The following TNFRSF8 variants were observed in gnomAD, a reference collection of about 807,000 sequenced individuals.
The protein encoded by TNFRSF8 is tumor necrosis factor receptor superfamily member 8.
TNFRSF8 carries 26 observed loss-of-function variants against 70.8 expected under a neutral mutation model. The observed-to-expected ratio is 0.37, with a 90% CI of 0.27 to 0.51. The LOEUF (loss-of-function observed/expected upper bound fraction) is 0.51. TNFRSF8 is among the 20% of genes least tolerant of loss of function. The pLI, the probability that TNFRSF8 is intolerant of heterozygous loss-of-function variation, is 0.94. For synonymous variants in TNFRSF8, 356 were observed against 339.2 expected (o/e 1.05, Z -0.54); for missense variants, 720 against 807.9 (o/e 0.89, Z 1.32).
At chr1:12,105,292 A>T (rs929045842) in intron 4 of TNFRSF8, among the ~76,000 whole-genome samples, 17 of 152,100 alleles carry the variant, frequency 1.1e-4, no homozygotes, top group African/African-American at 3.9e-4. Context: ...CCTTCTCTGG[A>T]GTCCCATGCC....
At chr1:12,128,724 C>T (rs2101033804) in intron 12 of TNFRSF8, among the ~76,000 whole-genome samples, 1 of 152,228 alleles carries the variant, frequency 6.6e-6, no homozygotes, top group African/African-American at 2.4e-5. Context: ...TGTACAGCCC[C>T]TCTAGATGCC....
chr1:12,123,018 G>A (rs1457234110), intron 8 of TNFRSF8, among the ~76,000 whole-genome samples: 3 of 152,004 alleles, frequency 2.0e-5, no homozygotes, highest in Non-Finnish European at 4.4e-5. Flanking sequence ...TAGTAGAGAT[G>A]GGGTTTCACC....
intron 1 of TNFRSF8, among the ~76,000 whole-genome samples, chr1:12,071,152 C>T (rs139997447): frequency 0.011 from 1,643 of 152,278 alleles, 91 homozygotes; most frequent in Admixed American, 0.089. Context: ...TGTCTTATAG[C>T]CCTGGTGGTC....
At chr1:12,081,433 G>A (rs77550903) in intron 1 of TNFRSF8, among the ~76,000 whole-genome samples, 1 of 152,068 alleles carries the variant, frequency 6.6e-6, no homozygotes, top group Non-Finnish European at 1.5e-5. Flanking sequence ...GGAGCACTTC[G>A]GGTGTCCTGG....
Position 12,109,831 on chromosome 1 carries a change from T to C in TNFRSF8, c.512+175T>C, listed in dbSNP as rs1046089272. ...AAGCCCCTCAGATCATTTGAGGCCCTAGGGTGTGCCCAGCCCTGCCCTGAG... is the reference window on the plus strand; with the variant it reads ...AAGCCCCTCAGATCATTTGAGGCCCCAGGGTGTGCCCAGCCCTGCCCTGAG... On this transcript the variant is annotated intron_variant, in intron 5 of 14. Transcript: ENST00000263932. This position sits in a 1 kb window ranked among gnomAD's most constrained non-coding sequence, Gnocchi z 4.4. Among the ~76,000 whole-genome samples the C allele has an allele frequency of 1.3e-5, 2 of 152,150 alleles. No homozygotes were observed. The highest frequency in any genetic ancestry group is 4.8e-5 in the African/African-American group (2 of 41,422).
At chr1:12,129,246 T>C (rs1027028042) in intron 12 of TNFRSF8, among the ~76,000 whole-genome samples, 3 of 152,230 alleles carry the variant, frequency 2.0e-5, no homozygotes, top group Admixed American at 6.5e-5. Context: ...TTCAAACTTA[T>C]AGAAATGGTA....
chr1:12,105,940 A>C (rs1301980708), intron 4 of TNFRSF8, among the ~76,000 whole-genome samples: 1 of 111,148 alleles, frequency 9.0e-6, no homozygotes, highest in Non-Finnish European at 1.9e-5. Flanking sequence ...ACTCCGTCTC[A>C]AAAAAAAAAA....
intron 1 of TNFRSF8, among the ~76,000 whole-genome samples, chr1:12,080,067 G>C (rs1399249075): frequency 6.6e-6 from 1 of 151,482 alleles, no homozygotes; most frequent in African/African-American, 2.4e-5. Context: ...TCCCGCCTCA[G>C]CCTCCTGAGT....
chr1:12,084,162 A>G (rs1201114), intron 1 of TNFRSF8, among the ~76,000 whole-genome samples: 93,434 of 152,022 alleles, frequency 0.61, 29,620 homozygotes, highest in African/African-American at 0.74. Context: ...ATCCCAGGGC[A>G]AGGGGATGGT....
In TNFRSF8 at chr1:12,110,330, G is replaced by C. The variant is rs927615920; in HGVS notation, c.676+126G>C. On this transcript the variant is annotated intron_variant, in intron 6 of 14. Transcript: ENST00000263932. The surrounding 1 kb of genome is among the most constrained non-coding windows in gnomAD (Gnocchi z 4.0). Reference sequence around the variant, plus strand: ...TCTTTTCCTGGTGGGGAGAGAAGACGGTGGTAAGGTATGATCTAGGGCTGA... The same window carrying C: ...TCTTTTCCTGGTGGGGAGAGAAGACCGTGGTAAGGTATGATCTAGGGCTGA... 2.0e-6 allele frequency: 2 copies of C among 1,004,904 alleles called. No homozygotes were observed. The highest frequency in any genetic ancestry group is 3.3e-5 in the African/African-American group (2 of 60,600). The allele number at this position is 1,004,904 out of a possible 1,614,324, so 62.2% of individuals were successfully genotyped here.
chr1:12,141,386 C>T lies in TNFRSF8; in HGVS notation c.1544-901C>T, dbSNP rs916433217. Among the ~76,000 whole-genome samples, 3 of 152,178 alleles carry T rather than the reference C, an allele frequency of 2.0e-5. No individual in the cohort carries two copies. Among genetic ancestry groups the T allele is most frequent in the Admixed American group, 2.0e-4 (3 of 15,280 alleles). On this transcript the variant is annotated intron_variant, in intron 14 of 14. Transcript: ENST00000263932. This position sits in a 1 kb window ranked among gnomAD's most constrained non-coding sequence, Gnocchi z 5.4. ...AGCTCCTCGGGCCACTGAACCTGAG[C>T]CCCCATGTCCCCTCTATCAGAAGGC...
chr1:12,123,188 G>T (rs2486316), intron 8 of TNFRSF8, 96 bp from the exon 9 acceptor site: 148,277 of 1,033,414 alleles, frequency 0.14, 11,839 homozygotes, highest in African/African-American at 0.23. Flanking sequence ...CCACGGTGTT[G>T]CCTCGCTGGA....
intron 2 of TNFRSF8, among the ~76,000 whole-genome samples, chr1:12,093,676 T>C (rs693708): frequency 4.6e-5 from 7 of 151,712 alleles, no homozygotes; most frequent in Non-Finnish European, 1.0e-4. Flanking sequence ...AGGTAGCTGG[T>C]ATTACAGGTG....
chr1:12,064,980 C>T (rs1640712045), intron 1 of TNFRSF8, among the ~76,000 whole-genome samples: 1 of 151,762 alleles, frequency 6.6e-6, no homozygotes. Context: ...AGAGTGAAGC[C>T]CCCTCCACTT....
At chr1:12,081,708 C>T (rs1481532362) in intron 1 of TNFRSF8, among the ~76,000 whole-genome samples, 1 of 152,148 alleles carries the variant, frequency 6.6e-6, no homozygotes, top group Non-Finnish European at 1.5e-5. Context: ...CACCTTCCAG[C>T]CACGCTGCTG....
At chr1:12,104,598 C>G in intron 4 of TNFRSF8, 67 bp downstream of exon 4, 3 of 1,587,712 alleles carry the variant, frequency 1.9e-6, no homozygotes, top group Non-Finnish European at 2.6e-6. Context: ...TCCGCCCACC[C>G]CAGTGCACTG....
chr1:12,109,623 G>C lies in TNFRSF8; in HGVS notation c.479G>C (p.Cys160Ser). 1 of 1,613,712 alleles carries C rather than the reference G, an allele frequency of 6.2e-7. No homozygotes were observed. The highest frequency in any genetic ancestry group is 8.5e-7 in the Non-Finnish European group (1 of 1,179,936). ...GCTTCCCCAGGGGTCAGCCCTGCCT[G>C]TGCCAGCCCAGAGAACTGCAAGGAA... Reference protein sequence around the residue: ...EPASPGVSPACASPENCKEPS... With the variant: ...EPASPGVSPASASPENCKEPS... Residue 160 changes from cysteine to serine, a missense_variant, in exon 5 of 15, where the codon TGT (cysteine) becomes TCT (serine). Transcript: ENST00000263932. This position sits in a 1 kb window ranked among gnomAD's most constrained non-coding sequence, Gnocchi z 4.4.
At chr1:12,094,629 T>TTTC (rs1641299374) in intron 2 of TNFRSF8, among the ~76,000 whole-genome samples, 1 of 145,200 alleles carries the variant, frequency 6.9e-6, no homozygotes, top group South Asian at 2.1e-4. Flanking sequence ...TTTTTTTTTT[T>TTTC]TGCTTTTTTT....
In TNFRSF8 at chr1:12,109,665, C is replaced by T; in HGVS notation, c.512+9C>T. ...TGCAAGGAACCCTCCAGGTGACTCC[C>T]TGGCTTTGCCTCCTCCTCTTCCCCC... On this transcript the variant is annotated intron_variant, in intron 5 of 14. Transcript: ENST00000263932. The surrounding 1 kb of genome is among the most constrained non-coding windows in gnomAD (Gnocchi z 4.4). 6.2e-7 allele frequency: 1 copy of T among 1,611,110 alleles called. No homozygotes were observed. The highest frequency in any genetic ancestry group is 8.5e-7 in the Non-Finnish European group (1 of 1,177,810).
Sources: gnomAD v4.1 joint callset for allele counts (sites outside exome capture counted in the v4.1 genomes callset) on GRCh38, gnomAD v4.1.1 for gene constraint, Gnocchi (gnomAD v3.1) non-coding constraint, MANE v1.5 for transcripts, NCBI Gene and HGNC (gene_info 2026-07-23, HGNC 2026-07-21) for gene names.